The following PTPN21 variants were observed in gnomAD, a reference collection of about 807,000 sequenced individuals.
PTPN21 encodes the protein tyrosine-protein phosphatase non-receptor type 21.
PTPN21 carries 77 observed loss-of-function variants against 131.8 expected under a neutral mutation model. The observed-to-expected ratio is 0.58, with a 90% CI of 0.49 to 0.71. PTPN21 has a LOEUF of 0.71. PTPN21 is among the 30% of genes least tolerant of loss of function. The probability of loss-of-function intolerance (pLI) is 0.00; values close to 1 mark genes in which losing one functional copy is unlikely to be tolerated. For synonymous variants in PTPN21, 715 were observed against 621.3 expected (o/e 1.15, Z -2.24); for missense variants, 1,552 against 1,527.1 (o/e 1.02, Z -0.27).
rs138957691 is a variant in PTPN21, at chr14:88,500,513, T to C, written c.764+270A>G. 2.4e-3 allele frequency among the ~76,000 whole-genome samples: 360 copies of C among 152,272 alleles called. 5 individuals are homozygous for C. Among genetic ancestry groups the C allele is most frequent in the East Asian group, 3.1e-3 (16 of 5,186 alleles). On this transcript the variant is annotated intron_variant, in intron 8 of 18. Coordinates refer to ENST00000556564, the MANE Select transcript of PTPN21 (RefSeq NM_007039.4). The stretch of plus-strand genomic sequence containing the variant: ...ATATCAAAGCAAAGAATGGCCTCCA[T>C]ATGGCACAAAAAGGGTCACACATTT...
rs756639048 is a variant in PTPN21 at position 88,517,209 on chromosome 14, A to G, written c.233T>C (p.Val78Ala). 53 of 1,613,972 alleles carry G rather than the reference A, an allele frequency of 3.3e-5. No homozygotes were observed. The highest frequency in any genetic ancestry group is 7.7e-5 in the South Asian group (7 of 91,082). Reference sequence around the variant, plus strand: ...CTTCTTCAAAGGTTTTTCCAAATCTACCCACCGGCGCTGATTTTGCTTGTT... The same window carrying G: ...CTTCTTCAAAGGTTTTTCCAAATCTGCCCACCGGCGCTGATTTTGCTTGTT... ...YYNKQNQRRW[V>A]DLEKPLKKQL... is the part of the protein sequence containing the mutation. Residue 78 changes from valine (V) to alanine (A), a missense_variant, in exon 3 of 19, where the codon GTA becomes GCA. By Grantham distance (64) the Val-to-Ala change is moderately conservative. Coordinates refer to ENST00000556564, the MANE Select transcript of PTPN21 (RefSeq NM_007039.4).
Position 88,479,075 on chromosome 14 carries a change from G to A in PTPN21, c.2356C>T (p.Pro786Ser). The A allele has an allele frequency of 6.3e-7, 1 of 1,597,624 alleles. No individual in the cohort carries two copies. The highest frequency in any genetic ancestry group is 8.5e-7 in the Non-Finnish European group (1 of 1,172,840). The part of the protein sequence containing the change: ...PVRTTAEAQR[P>S]WRDGLLMPSM... ...GGCATCAGCAGCCCGTCTCTCCAGGGCCGCTGGGCCTCTGCGGTCGTGCGG... is the reference window on the plus strand; with the variant it reads ...GGCATCAGCAGCCCGTCTCTCCAGGACCGCTGGGCCTCTGCGGTCGTGCGG... The change falls in exon 13 of 19, where the codon CCC becomes TCC. Residue 786 changes from proline to serine, a missense_variant. Physicochemically the swap from Pro to Ser is moderately conservative, Grantham distance 74. Around this residue, in one of 4 missense-constraint regions of PTPN21, gnomAD observed 1,016 missense variants for 883.5 expected, o/e 1.15. Coordinates refer to ENST00000556564, the MANE Select transcript of PTPN21 (RefSeq NM_007039.4).
At chr14:88,505,079 G>A (rs1383764482) in intron 5 of PTPN21, among the ~76,000 whole-genome samples, 2 of 152,124 alleles carry the variant, frequency 1.3e-5, no homozygotes, top group Admixed American at 6.6e-5. Context: ...ATGTCTCCAG[G>A]CACAGTGCAG....
chr14:88,521,781 A>G (rs1443663176), intron 2 of PTPN21, among the ~76,000 whole-genome samples: 1 of 152,104 alleles, frequency 6.6e-6, no homozygotes, highest in Non-Finnish European at 1.5e-5. Flanking sequence ...CTTCCCCTTT[A>G]AATACAGTTG....
chr14:88,469,623 G>A lies in PTPN21; in HGVS notation c.3111C>T (p.Gly1037=). ...KITTRFRTDS[G]CYATTGLKMK... is the part of the protein sequence containing the mutation. ...TCTTCAGGCCTGTGGTGGCATAGCAGCCAGAGTCTGTGCGGAACCGGGTCG... is the reference window on the plus strand; with the variant it reads ...TCTTCAGGCCTGTGGTGGCATAGCAACCAGAGTCTGTGCGGAACCGGGTCG... The change falls in exon 17 of 19, where the codon GGC becomes GGT. Residue 1037 remains glycine, a synonymous_variant. Coordinates refer to ENST00000556564, the MANE Select transcript of PTPN21 (RefSeq NM_007039.4). This position sits in a 1 kb window ranked among gnomAD's most constrained non-coding sequence, Gnocchi z 4.3. The A allele has an allele frequency of 1.9e-6, 3 of 1,614,174 alleles. No individual in the cohort carries two copies. The highest frequency in any genetic ancestry group is 2.5e-6 in the Non-Finnish European group (3 of 1,180,030).
At chr14:88,483,029 G>A (rs988366530) in intron 12 of PTPN21, among the ~76,000 whole-genome samples, 10 of 151,808 alleles carry the variant, frequency 6.6e-5, no homozygotes, top group African/African-American at 1.7e-4. Context: ...TGGCTAACAC[G>A]GTGAAACCCC....
intron 13 of PTPN21, 92 bp from the exon 14 acceptor site, chr14:88,473,894 G>C: frequency 8.8e-7 from 1 of 1,136,086 alleles, no homozygotes; most frequent in Non-Finnish European, 1.2e-6. Context: ...GGAACACACA[G>C]AGGGAGTGTT....
rs544255062 is a variant in PTPN21, at chr14:88,526,091, T to C, written c.181-8830A>G. 2.0e-5 allele frequency among the ~76,000 whole-genome samples: 3 copies of C among 152,166 alleles called. No homozygotes were observed. The South Asian group carries it at 6.2e-4, about 32-fold the overall frequency. ...AGGCCAGGAGTTCAAGACTAGAATATATAAATCCACAGAGACAGACAGTAA... is the reference window on the plus strand; with the variant it reads ...AGGCCAGGAGTTCAAGACTAGAATACATAAATCCACAGAGACAGACAGTAA... On this transcript the variant is annotated intron_variant, in intron 2 of 18. Transcript: ENST00000556564.
intron 2 of PTPN21, among the ~76,000 whole-genome samples, chr14:88,536,775 T>G (rs1234880074): frequency 6.6e-6 from 1 of 152,182 alleles, no homozygotes; most frequent in East Asian, 1.9e-4. Flanking sequence ...AAATATAATT[T>G]CATCCTGATG....
chr14:88,513,802 C>T (rs1288240185), intron 3 of PTPN21: 2 of 152,220 alleles, frequency 1.3e-5, no homozygotes, highest in African/African-American at 4.8e-5. Context: ...TAATCATTGC[C>T]TCATATTTCC....
At position 88,480,776 on chromosome 14, in the gene PTPN21, C is replaced by T. The variant is rs139231519; in HGVS notation, c.1079-424G>A. Among the ~76,000 whole-genome samples, 699 of 152,276 alleles carry T rather than the reference C, an allele frequency of 4.6e-3. 4 individuals are homozygous for T. The highest frequency in any genetic ancestry group is 0.016 in the African/African-American group (675 of 41,558). On this transcript the variant is annotated intron_variant, in intron 12 of 18. Transcript: ENST00000556564. ...CAACTGTCTGTAAGCATTTCCTTAA[C>T]TGGAAATTTTTATTGTTCTTCCCAA...
chr14:88,518,862 A>G (rs1208057131), intron 2 of PTPN21, among the ~76,000 whole-genome samples: 4 of 152,026 alleles, frequency 2.6e-5, no homozygotes, highest in Non-Finnish European at 5.9e-5. Flanking sequence ...TGTAAGTACC[A>G]TTTCTAGTAT....
chr14:88,500,406 G>A (rs1204821376), intron 8 of PTPN21, among the ~76,000 whole-genome samples: 1 of 152,134 alleles, frequency 6.6e-6, no homozygotes, highest in African/African-American at 2.4e-5. Flanking sequence ...CTCTAGCCTG[G>A]GCAACAGAGT....
At position 88,469,544 on chromosome 14, in the gene PTPN21, C is replaced by A. The variant is rs2077422960; in HGVS notation, c.3190G>T (p.Asp1064Tyr). The A allele has an allele frequency of 6.2e-7, 1 of 1,614,168 alleles. No individual in the cohort carries two copies. Among genetic ancestry groups the A allele is most frequent in the Non-Finnish European group, 8.5e-7 (1 of 1,180,032 alleles). The change falls in exon 17 of 19, where the codon GAC becomes TAC. Residue 1064 changes from aspartate to tyrosine, a missense_variant. By Grantham distance (160) the Asp-to-Tyr change is radical (BLOSUM62 -3). Around this residue, in one of 4 missense-constraint regions of PTPN21, gnomAD observed 316 missense variants for 378.5 expected, o/e 0.83. Coordinates refer to ENST00000556564, the MANE Select transcript of PTPN21 (RefSeq NM_007039.4). This position sits in a 1 kb window ranked among gnomAD's most constrained non-coding sequence, Gnocchi z 4.3. ...ERTVWHLQYTDWPEHGCPEDL... is the reference protein window; with the variant it reads ...ERTVWHLQYTYWPEHGCPEDL... ...TCTGGACAGCCATGTTCAGGCCAGT[C>A]TGTGTATTGGAGGTGCCAGACGGTC... is the stretch of plus-strand genomic sequence containing the variant.
At chr14:88,474,057 G>T in intron 13 of PTPN21, 1 of 180,778 alleles carries the variant, frequency 5.5e-6, no homozygotes, top group Non-Finnish European at 1.0e-5. Flanking sequence ...AAGTTCTGTT[G>T]TAATGAAAGG....
At position 88,479,660 on chromosome 14, in the gene PTPN21, T is replaced by G; in HGVS notation, c.1771A>C (p.Asn591His). ...ACGCGCCGCGTGATGAGGTCGGGGT[T>G]GCTGCTGCTGATGTAAAGGTGGCGG... is the stretch of plus-strand genomic sequence containing the variant. The part of the protein sequence containing the change: ...LSRHLYISSS[N>H]PDLITRRVHH... The change falls in exon 13 of 19, where the codon AAC becomes CAC. Residue 591 changes from asparagine (N) to histidine (H), a missense_variant. Asn to His is a moderately conservative substitution (Grantham distance 68, BLOSUM62 1). Around this residue, in one of 4 missense-constraint regions of PTPN21, gnomAD observed 1,016 missense variants for 883.5 expected, o/e 1.15. Coordinates refer to ENST00000556564, the MANE Select transcript of PTPN21 (RefSeq NM_007039.4). The G allele has an allele frequency of 7.0e-7, 1 of 1,423,520 alleles. No individual in the cohort carries two copies. The allele number at this position is 1,423,520 out of a possible 1,614,324, so 88.2% of individuals were successfully genotyped here.
Position 88,479,399 on chromosome 14 carries a change from A to G in PTPN21, c.2032T>C (p.Phe678Leu). 6.2e-7 allele frequency: 1 copy of G among 1,603,676 alleles called. No homozygotes were observed. The highest frequency in any genetic ancestry group is 8.5e-7 in the Non-Finnish European group (1 of 1,178,820). The change falls in exon 13 of 19, where the codon TTC becomes CTC. Residue 678 changes from phenylalanine (F) to leucine (L), a missense_variant. This residue lies in a region of PTPN21 where 1,016 missense variants were observed against 883.5 expected (regional missense o/e 1.15). Transcript: ENST00000556564. ...CCTTCTCGCTGTGTCCTCTCGGTGA[A>G]AACGCTGGGCTGGGAGCCCACCGAG... Reference protein sequence around the residue: ...AVSVGSQPSVFTERTQREGPE... With the variant: ...AVSVGSQPSVLTERTQREGPE...
At chr14:88,491,886 TTA>T (rs2077830407) in intron 10 of PTPN21, among the ~76,000 whole-genome samples, 1 of 152,106 alleles carries the variant, frequency 6.6e-6, no homozygotes, top group Non-Finnish European at 1.5e-5. Flanking sequence ...ACTGATGACA[TTA>T]ATGTAGTTTT....
chr14:88,533,291 G>A (rs189098058), intron 2 of PTPN21, among the ~76,000 whole-genome samples: 41 of 152,220 alleles, frequency 2.7e-4, no homozygotes, highest in South Asian at 1.7e-3. Context: ...GTCACGTGCC[G>A]CATAACAATG....
Sources: gnomAD v4.1 joint callset for allele counts (sites outside exome capture counted in the v4.1 genomes callset) on GRCh38, gnomAD v4.1.1 for gene constraint, gnomAD v4.1.1 regional missense constraint, Gnocchi (gnomAD v3.1) non-coding constraint, MANE v1.5 for transcripts, NCBI Gene and HGNC (gene_info 2026-07-23, HGNC 2026-07-21) for gene names.